The following ARHGAP39 variants were observed in gnomAD, a reference collection of about 807,000 sequenced individuals.
ARHGAP39 encodes rho GTPase-activating protein 39.
Under a neutral mutation model 106.9 loss-of-function variants are expected in ARHGAP39, and 44 were observed. The ratio of observed to expected loss-of-function variants is 0.41; its 90% CI spans 0.32 to 0.53. The LOEUF (loss-of-function observed/expected upper bound fraction) is 0.53, where lower values mean the gene tolerates loss of function less well. Ranked by LOEUF, ARHGAP39 falls within the 20% of genes least tolerant of loss-of-function variation. The pLI, the probability that ARHGAP39 is intolerant of heterozygous loss-of-function variation, is 0.21. For synonymous variants in ARHGAP39, 768 were observed against 693.2 expected (o/e 1.11, Z -1.69); for missense variants, 1,496 against 1,577.3 (o/e 0.95, Z 0.87).
At chr8:144,682,047 TC>T (rs1822434816) in intron 1 of ARHGAP39, among the ~76,000 whole-genome samples, 1 of 151,660 alleles carries the variant, frequency 6.6e-6, no homozygotes, top group Admixed American at 6.6e-5. Flanking sequence ...GGCGGGCAGA[TC>T]ACGAGGTCAG....
chr8:144,698,945 G>A, the ARHGAP39 span: 19 of 449,500 alleles, frequency 4.2e-5, no homozygotes, highest in South Asian at 2.5e-4. Flanking sequence ...ACCATCCCAC[G>A]GCCTGCAACC....
In ARHGAP39 at chr8:144,539,173, G is replaced by T. The variant is rs115799855; in HGVS notation, c.2522-1360C>A. 4.1e-3 allele frequency among the ~76,000 whole-genome samples: 619 copies of T among 152,256 alleles called. 5 individuals carry two copies. The highest frequency in any genetic ancestry group is 0.015 in the African/African-American group (603 of 41,552). On this transcript the variant is annotated intron_variant, in intron 6 of 11. Transcript: ENST00000377307. ...GCTGCCAGGAAACCACTGCTTGCAG[G>T]TCCTCTCAGCTGACAGAATGAGGAA...
intron 3 of ARHGAP39, among the ~76,000 whole-genome samples, chr8:144,576,498 C>T (rs1586570594): frequency 6.6e-6 from 1 of 152,262 alleles, no homozygotes; most frequent in South Asian, 2.1e-4. Flanking sequence ...CCATGGGTGA[C>T]AGGGCAGGGC....
At position 144,604,010 on chromosome 8, in the gene ARHGAP39, GCGAACAAACGAATGAAGAA is replaced by G. The variant is rs1361880102; in HGVS notation, c.80+1506_80+1524del. Among the ~76,000 whole-genome samples, 7 of 152,356 alleles carry G rather than the reference GCGAACAAACGAATGAAGAA, an allele frequency of 4.6e-5. No homozygotes were observed. The East Asian group carries it at 1.3e-3, about 29-fold the overall frequency. ...CCAACGGAGCTCACAGCCCACATCA[GCGAACAAACGAATGAAGAA>G]CGAACAAACGAATGAACAAGGAGAC... On this transcript the variant is annotated intron_variant, in intron 2 of 11. Coordinates refer to ENST00000377307, the MANE Select transcript of ARHGAP39 (RefSeq NM_025251.3). The surrounding 1 kb of genome is among the most constrained non-coding windows in gnomAD (Gnocchi z 4.1).
At chr8:144,676,461 G>T (rs1374118709) in intron 1 of ARHGAP39, among the ~76,000 whole-genome samples, 1 of 125,054 alleles carries the variant, frequency 8.0e-6, no homozygotes, top group Non-Finnish European at 1.5e-5. Context: ...CTAGACACAC[G>T]TGCTGCTGAC....
chr8:144,592,839 G>A (rs963660087), intron 2 of ARHGAP39, among the ~76,000 whole-genome samples: 3 of 152,208 alleles, frequency 2.0e-5, no homozygotes, highest in Admixed American at 2.0e-4. Flanking sequence ...CCTCAAGGAC[G>A]GAGGCGTACA....
At chr8:144,567,747 TCTCTCTCTCTC>T (rs568246933) in intron 3 of ARHGAP39, among the ~76,000 whole-genome samples, 28 of 152,166 alleles carry the variant, frequency 1.8e-4, no homozygotes, top group Non-Finnish European at 3.4e-4. Context: ...AAGTTGTTTC[TCTCTCTCTCTC>T]CTCTCTCTCT....
intron 1 of ARHGAP39, among the ~76,000 whole-genome samples, chr8:144,650,253 T>C (rs1821541831): frequency 1.3e-5 from 2 of 152,094 alleles, no homozygotes; most frequent in Admixed American, 6.5e-5. Context: ...ATGGAATCAG[T>C]AATAAATAGC....
intron 1 of ARHGAP39, among the ~76,000 whole-genome samples, chr8:144,619,139 G>C (rs1820716156): frequency 6.6e-6 from 1 of 152,204 alleles, no homozygotes; most frequent in Admixed American, 6.5e-5. Context: ...GAAAGTTCCA[G>C]TCATGAGTGG....
At chr8:144,598,356 T>C (rs568765062) in intron 2 of ARHGAP39, among the ~76,000 whole-genome samples, 1 of 151,966 alleles carries the variant, frequency 6.6e-6, no homozygotes, top group African/African-American at 2.4e-5. Flanking sequence ...TGGGTGTCAG[T>C]GGAGGGATAC....
At chr8:144,610,017 C>A (rs1820434710) in intron 1 of ARHGAP39, among the ~76,000 whole-genome samples, 1 of 152,200 alleles carries the variant, frequency 6.6e-6, no homozygotes, top group Admixed American at 6.5e-5. Context: ...CAGAGCTGAG[C>A]AGGCTCTAAA....
rs549021976 is a variant in ARHGAP39 at position 144,565,284 on chromosome 8, A to G, written c.513-9641T>C. On this transcript the variant is annotated intron_variant, in intron 3 of 11. Transcript: ENST00000377307. ...CGGCAAGGCCTTGCCTCAAAACCAA[A>G]CCAAACCAAACCCACCACTAGAAAG... Among the ~76,000 whole-genome samples, 201 of 151,736 alleles carry G rather than the reference A, an allele frequency of 1.3e-3. 2 individuals carry two copies. The highest frequency in any genetic ancestry group is 6.8e-3 in the Middle Eastern group (2 of 292).
At position 144,548,501 on chromosome 8, in the gene ARHGAP39, G is replaced by T; in HGVS notation, c.597-12C>A. On this transcript the variant is annotated splice_polypyrimidine_tract_variant and intron_variant, in intron 4 of 11. Coordinates refer to ENST00000377307, the MANE Select transcript of ARHGAP39 (RefSeq NM_025251.3). The surrounding 1 kb of genome is among the most constrained non-coding windows in gnomAD (Gnocchi z 7.4). ...GCAGCGAGGAGGTCCTGCGTGGGGGGTGGACGGGCACAGGTGACTGCCTGC... is the reference window on the plus strand; with the variant it reads ...GCAGCGAGGAGGTCCTGCGTGGGGGTTGGACGGGCACAGGTGACTGCCTGC... The T allele has an allele frequency of 6.2e-7, 1 of 1,604,230 alleles. No homozygotes were observed. The highest frequency in any genetic ancestry group is 8.5e-7 in the Non-Finnish European group (1 of 1,177,394).
At chr8:144,632,343 C>T (rs994409430) in intron 1 of ARHGAP39, among the ~76,000 whole-genome samples, 2 of 152,182 alleles carry the variant, frequency 1.3e-5, no homozygotes, top group Non-Finnish European at 2.9e-5. Flanking sequence ...GCCCACCTCC[C>T]GTCACTTGTC....
At position 144,547,690 on chromosome 8, in the gene ARHGAP39, G is replaced by T; in HGVS notation, c.1396C>A (p.Pro466Thr). 1 of 1,580,520 alleles carries T rather than the reference G, an allele frequency of 6.3e-7. No homozygotes were observed. Among genetic ancestry groups the T allele is most frequent in the East Asian group, 2.3e-5 (1 of 43,804 alleles). ...GACATGGCATCCTCCTGGGCCTGTGGCAGCGGCGTGGGCGGCTGGCTGTGC... is the reference window on the plus strand; with the variant it reads ...GACATGGCATCCTCCTGGGCCTGTGTCAGCGGCGTGGGCGGCTGGCTGTGC... ...LRHSQPPTPL[P>T]QAQEDAMSWS... Residue 466 changes from proline (P) to threonine (T), a missense_variant, in exon 5 of 12, where the codon CCA becomes ACA. Physicochemically the swap from Pro to Thr is conservative, Grantham distance 38. Around this residue, in one of 4 missense-constraint regions of ARHGAP39, gnomAD observed 905 missense variants for 816.4 expected, o/e 1.11. Transcript: ENST00000377307. This position sits in a 1 kb window ranked among gnomAD's most constrained non-coding sequence, Gnocchi z 5.2.
chr8:144,698,685 A>G, the ARHGAP39 span: 10 of 355,084 alleles, frequency 2.8e-5, no homozygotes, highest in Admixed American at 2.2e-4. Context: ...TATCTGTTCC[A>G]TCCATATTTT....
In ARHGAP39 at chr8:144,606,620, AGGAGGAGGAGGTGAC is replaced by A. The variant is rs1456419243; in HGVS notation, c.-81-940_-81-926del. Among the ~76,000 whole-genome samples the A allele has an allele frequency of 9.2e-5, 14 of 152,164 alleles. No homozygotes were observed. In the East Asian group the frequency reaches 2.7e-3, roughly 29 times the overall value. On this transcript the variant is annotated intron_variant, in intron 1 of 11. Transcript: ENST00000377307. ...GAGAAGGAGGAGGAGAAGGAGGAGG[AGGAGGAGGAGGTGAC>A]GGTGGAGGAGGTGACTGCGGAGGAG...
chr8:144,594,520 C>T (rs932832075), intron 2 of ARHGAP39, among the ~76,000 whole-genome samples: 2 of 151,894 alleles, frequency 1.3e-5, no homozygotes, highest in South Asian at 4.2e-4. Flanking sequence ...CATGGTGAAA[C>T]CCCGTCTCTA....
At chr8:144,689,426 C>CTTTTTTTTTT (rs71320837), upstream of ARHGAP39, among the ~76,000 whole-genome samples, 1 of 67,554 alleles carries the variant, frequency 1.5e-5, no homozygotes, top group Non-Finnish European at 2.7e-5. Context: ...TCTTAACCAT[C>CTTTTTTTTTT]TTTTTTTTTT....
Sources: gnomAD v4.1 joint callset for allele counts (sites outside exome capture counted in the v4.1 genomes callset) on GRCh38, gnomAD v4.1.1 for gene constraint, gnomAD v4.1.1 regional missense constraint, Gnocchi (gnomAD v3.1) non-coding constraint, MANE v1.5 for transcripts, NCBI Gene and HGNC (gene_info 2026-07-23, HGNC 2026-07-21) for gene names.